SORCS1: variants seen among roughly 807,000 people sequenced by gnomAD.
SORCS1 encodes the protein VPS10 domain-containing receptor SorCS1.
SORCS1 carries 60 observed loss-of-function variants against 146.1 expected under a neutral mutation model. The observed-to-expected ratio is 0.41, with a 90% CI of 0.33 to 0.51. The LOEUF (loss-of-function observed/expected upper bound fraction) is 0.51. Among genes scored for constraint, SORCS1 ranks in the 20% least tolerant of loss-of-function variants. SORCS1 has a pLI of 0.21. For synonymous variants in SORCS1, 637 were observed against 584.0 expected, an observed-to-expected ratio of 1.09 and a Z score of -1.31; for missense variants, 1,352 against 1,487.6, an observed-to-expected ratio of 0.91 and a Z score of 1.50.
intron 2 of SORCS1, among the ~76,000 whole-genome samples, chr10:106,837,326 C>T (rs564891091): frequency 2.0e-5 from 3 of 152,148 alleles, no homozygotes; most frequent in Middle Eastern, 6.8e-3. Context: ...AAGTCTCACT[C>T]CCTTCAAAAG....
intron 1 of SORCS1, among the ~76,000 whole-genome samples, chr10:107,088,425 G>A (rs1963931863): frequency 6.6e-6 from 1 of 152,144 alleles, no homozygotes; most frequent in African/African-American, 2.4e-5. Flanking sequence ...TGGGGGGGAC[G>A]GTGGGATTTC....
At chr10:106,855,647 TC>T (rs1383245113) in intron 2 of SORCS1, among the ~76,000 whole-genome samples, 2 of 152,196 alleles carry the variant, frequency 1.3e-5, no homozygotes, top group Non-Finnish European at 1.5e-5. Context: ...CTCAGCCATG[TC>T]CAGTCTACCA....
chr10:107,153,745 C>G (rs142205652), intron 1 of SORCS1, among the ~76,000 whole-genome samples: 225 of 152,282 alleles, frequency 1.5e-3, no homozygotes, highest in Non-Finnish European at 2.7e-3. Context: ...TTCACAAACT[C>G]GTTTGCTCTC....
chr10:106,723,345 T>A (rs933895671), intron 6 of SORCS1, among the ~76,000 whole-genome samples: 5 of 151,838 alleles, frequency 3.3e-5, no homozygotes, highest in Non-Finnish European at 7.4e-5. Context: ...GGTAAATCAA[T>A]AGAATGTAGG....
At chr10:107,178,137 T>C in the SORCS1 span, among the ~76,000 whole-genome samples, 4 of 152,282 alleles carry the variant, frequency 2.6e-5, no homozygotes, top group South Asian at 2.1e-4. Flanking sequence ...GCACATCCTG[T>C]GCATGTACCC....
chr10:106,854,502 T>C (rs116212067), intron 2 of SORCS1, among the ~76,000 whole-genome samples: 1,791 of 151,994 alleles, frequency 0.012, 42 homozygotes, highest in African/African-American at 0.033. Flanking sequence ...ACCATTTTCT[T>C]TTTGTTTCCT....
chr10:106,950,283 G>A (rs1479972653), intron 2 of SORCS1, among the ~76,000 whole-genome samples: 1 of 152,180 alleles, frequency 6.6e-6, no homozygotes, highest in Non-Finnish European at 1.5e-5. Flanking sequence ...GTGACATCTC[G>A]TTCTGTCTTG....
chr10:106,600,737 A>G (rs1846187901), intron 23 of SORCS1: 1 of 984,630 alleles, frequency 1.0e-6, no homozygotes, highest in Non-Finnish European at 1.2e-6. Flanking sequence ...AGGAAATACC[A>G]AAGTTTATTC....
At chr10:106,855,084 C>T (rs12244448) in intron 2 of SORCS1, among the ~76,000 whole-genome samples, 7,786 of 152,082 alleles carry the variant, frequency 0.051, 270 homozygotes, top group African/African-American at 0.096. Context: ...AACTTTTGTC[C>T]GTCTGAGAAA....
At chr10:106,606,274 TACACACACACACACACACACACACAC>T (rs6144077) in intron 23 of SORCS1, among the ~76,000 whole-genome samples, 63,629 of 139,060 alleles carry the variant, frequency 0.46, 16,754 homozygotes, top group Admixed American at 0.59. Context: ...CACACAGATA[TACACACACACACACACACACACACAC>T]ACACACACAC....
chr10:106,722,933 C>T (rs1267848978), intron 6 of SORCS1, among the ~76,000 whole-genome samples: 1 of 152,174 alleles, frequency 6.6e-6, no homozygotes, highest in African/African-American at 2.4e-5. Context: ...CTCTTGCATT[C>T]ATCTGTTAGT....
chr10:106,840,827 ATTTTTTAGTTATAT>A (rs1948995187), intron 2 of SORCS1, among the ~76,000 whole-genome samples: 3 of 146,286 alleles, frequency 2.1e-5, no homozygotes, highest in African/African-American at 7.5e-5. Flanking sequence ...AATAATTCAC[ATTTTTTAGTTATAT>A]TATATATATA....
chr10:106,890,447 G>A (rs1377358392), intron 2 of SORCS1, among the ~76,000 whole-genome samples: 1 of 151,964 alleles, frequency 6.6e-6, no homozygotes, highest in African/African-American at 2.4e-5. Flanking sequence ...TTCCTCAGTG[G>A]AGCCTTATTA....
At chr10:107,028,551 G>T (rs1471689418) in intron 1 of SORCS1, among the ~76,000 whole-genome samples, 1 of 152,196 alleles carries the variant, frequency 6.6e-6, no homozygotes, top group Non-Finnish European at 1.5e-5. Context: ...CTTCATAGGT[G>T]CTCATTAGTA....
At chr10:106,836,259 G>A (rs1948779654) in intron 2 of SORCS1, among the ~76,000 whole-genome samples, 1 of 152,004 alleles carries the variant, frequency 6.6e-6, no homozygotes, top group Non-Finnish European at 1.5e-5. Context: ...CAGATCACGA[G>A]GTCAGGAGAT....
intron 5 of SORCS1, among the ~76,000 whole-genome samples, chr10:106,736,892 A>AACAATG (rs967362635): frequency 2.0e-5 from 3 of 152,188 alleles, no homozygotes; most frequent in African/African-American, 7.2e-5. Context: ...GACAGATAAA[A>AACAATG]ACAATGCTTA....
At chr10:106,720,086 A>C (rs60408554) in intron 6 of SORCS1, among the ~76,000 whole-genome samples, 1 of 151,750 alleles carries the variant, frequency 6.6e-6, no homozygotes, top group African/African-American at 2.4e-5. Flanking sequence ...TATTCTCCCT[A>C]CTCTGTTTTT....
chr10:107,143,634 G>C (rs536722724), intron 1 of SORCS1, among the ~76,000 whole-genome samples: 1 of 152,246 alleles, frequency 6.6e-6, no homozygotes, highest in African/African-American at 2.4e-5. Flanking sequence ...CTCCTGAGTA[G>C]CTGGGATTAC....
At chr10:106,901,623 A>G (rs1951706106) in intron 2 of SORCS1, among the ~76,000 whole-genome samples, 1 of 152,150 alleles carries the variant, frequency 6.6e-6, no homozygotes, top group East Asian at 1.9e-4. Context: ...TTTTGTAGAG[A>G]TGGGGTTTCA....
Sources: gnomAD v4.1 joint callset for allele counts (sites outside exome capture counted in the v4.1 genomes callset) on GRCh38, gnomAD v4.1.1 for gene constraint, MANE v1.5 for transcripts, NCBI Gene and HGNC (gene_info 2026-07-23, HGNC 2026-07-21) for gene names.